Variants in SCHIP1 observed in about 807,000 individuals in gnomAD.
The protein encoded by SCHIP1 is schwannomin-interacting protein 1.
In SCHIP1, 8 loss-of-function variants were observed where a neutral mutation model predicts 29.7. The observed-to-expected ratio is 0.27, with a 90% CI of 0.16 to 0.49. SCHIP1 has a LOEUF of 0.49. SCHIP1 is among the 20% of genes least tolerant of loss of function. The pLI is 0.99. For synonymous variants in SCHIP1, 76 were observed against 94.9 expected (o/e 0.80, Z 1.16); for missense variants, 193 against 294.6 (o/e 0.66, Z 2.52).
At chr3:159,531,362 C>G in the SCHIP1 span, among the ~76,000 whole-genome samples, 11 of 152,246 alleles carry the variant, frequency 7.2e-5, no homozygotes, top group African/African-American at 2.7e-4. Context: ...CCTTGCAAGA[C>G]TCAAGTCTCA....
At chr3:159,758,597 C>G in the SCHIP1 span, among the ~76,000 whole-genome samples, 17 of 152,234 alleles carry the variant, frequency 1.1e-4, no homozygotes, top group Non-Finnish European at 2.2e-4. Flanking sequence ...TTAAAAAGAA[C>G]AGCAGGCTGC....
At chr3:159,301,030 CTAT>C in the SCHIP1 span, among the ~76,000 whole-genome samples, 1 of 152,100 alleles carries the variant, frequency 6.6e-6, no homozygotes, top group African/African-American at 2.4e-5. Flanking sequence ...ATGTAATGTA[CTAT>C]TATGTAGTAC....
chr3:159,454,393 T>C, the SCHIP1 span, among the ~76,000 whole-genome samples: 3 of 152,048 alleles, frequency 2.0e-5, no homozygotes, highest in Non-Finnish European at 1.5e-5. Flanking sequence ...GTGGCCAGAA[T>C]CTACAACAAA....
the SCHIP1 span, among the ~76,000 whole-genome samples, chr3:159,460,613 C>T: frequency 6.6e-6 from 1 of 152,070 alleles, no homozygotes; most frequent in Admixed American, 6.6e-5. Context: ...TGGAAATTTC[C>T]AGTTTTAGCC....
At chr3:159,877,863 A>G (rs564829421) in intron 2 of SCHIP1, among the ~76,000 whole-genome samples, 20 of 152,242 alleles carry the variant, frequency 1.3e-4, no homozygotes, top group Non-Finnish European at 2.4e-4. Flanking sequence ...AGTTAAATTT[A>G]TATCAATTAC....
At chr3:159,499,585 A>G in the SCHIP1 span, among the ~76,000 whole-genome samples, 2 of 152,256 alleles carry the variant, frequency 1.3e-5, no homozygotes, top group African/African-American at 2.4e-5. Context: ...CATAACTATT[A>G]TCAGCATCAC....
At chr3:159,484,047 A>G in the SCHIP1 span, among the ~76,000 whole-genome samples, 1 of 152,206 alleles carries the variant, frequency 6.6e-6, no homozygotes, top group Non-Finnish European at 1.5e-5. Context: ...AAACTAAGAG[A>G]GTTCCAAAGA....
chr3:159,849,494 A>G lies in SCHIP1; in HGVS notation c.30+9280A>G, dbSNP rs544270839. Among the ~76,000 whole-genome samples, 7 of 152,364 alleles carry G rather than the reference A, an allele frequency of 4.6e-5. No homozygotes were observed. The South Asian group carries it at 1.4e-3, about 32-fold the overall frequency. ...CAGATAAGAATGAAATTCATATTGT[A>G]GCTGAACCCCAAGTGCAGTGGACTG... is the stretch of plus-strand genomic sequence containing the variant. On this transcript the variant is annotated intron_variant, in intron 1 of 6. Transcript: ENST00000445224.
the SCHIP1 span, among the ~76,000 whole-genome samples, chr3:159,585,883 GA>G: frequency 6.6e-6 from 1 of 152,124 alleles, no homozygotes. Context: ...TGCTAGGCTG[GA>G]AAAAAATTTT....
At chr3:159,463,581 A>G in the SCHIP1 span, among the ~76,000 whole-genome samples, 27 of 152,116 alleles carry the variant, frequency 1.8e-4, no homozygotes, top group Non-Finnish European at 3.5e-4. Flanking sequence ...CCTCTTAGGC[A>G]TTATGTTACA....
At chr3:159,869,115 T>C (rs563549538) in intron 2 of SCHIP1, among the ~76,000 whole-genome samples, 67 of 152,194 alleles carry the variant, frequency 4.4e-4, no homozygotes, top group Admixed American at 8.5e-4. Flanking sequence ...CATCAACTTA[T>C]CGAAGTTCTT....
chr3:159,774,714 C>T, the SCHIP1 span, among the ~76,000 whole-genome samples: 71 of 152,284 alleles, frequency 4.7e-4, no homozygotes, highest in African/African-American at 1.6e-3. Flanking sequence ...TACTTGTAAA[C>T]CCATTTTTTT....
chr3:159,764,508 C>T, the SCHIP1 span: 2 of 1,586,864 alleles, frequency 1.3e-6, no homozygotes, highest in Non-Finnish European at 1.7e-6. This position sits in a 1 kb window ranked among gnomAD's most constrained non-coding sequence, Gnocchi z 6.1. Flanking sequence ...GCAGCCGCGC[C>T]AGTTCACAGT....
the SCHIP1 span, among the ~76,000 whole-genome samples, chr3:159,287,150 A>G: frequency 3.3e-5 from 5 of 152,084 alleles, no homozygotes; most frequent in African/African-American, 9.7e-5. Context: ...GCCAGGTCCT[A>G]TGTTCAGAAT....
the SCHIP1 span, among the ~76,000 whole-genome samples, chr3:159,588,770 G>A: frequency 3.3e-4 from 50 of 152,290 alleles, no homozygotes; most frequent in African/African-American, 1.2e-3. Context: ...AGATCATATA[G>A]TTGTAGATGT....
chr3:159,459,502 C>T, the SCHIP1 span, among the ~76,000 whole-genome samples: 1 of 151,892 alleles, frequency 6.6e-6, no homozygotes, highest in Admixed American at 6.6e-5. Flanking sequence ...CTACACATAA[C>T]TATAGTAGAT....
chr3:159,397,505 G>T, the SCHIP1 span, among the ~76,000 whole-genome samples: 6 of 152,094 alleles, frequency 3.9e-5, no homozygotes, highest in African/African-American at 1.4e-4. Flanking sequence ...TTTTCGTGTG[G>T]ATGTCCTTTC....
the SCHIP1 span, among the ~76,000 whole-genome samples, chr3:159,650,055 G>A: frequency 6.6e-6 from 1 of 152,164 alleles, no homozygotes; most frequent in Non-Finnish European, 1.5e-5. Context: ...CCTAGAGTCT[G>A]TAGCTTTATT....
At chr3:159,703,504 T>C in the SCHIP1 span, among the ~76,000 whole-genome samples, 310 of 151,954 alleles carry the variant, frequency 2.0e-3, no homozygotes, top group African/African-American at 7.0e-3. Context: ...AGAATTGAAC[T>C]AGAGGTCCCA....
Sources: gnomAD v4.1 joint callset for allele counts (sites outside exome capture counted in the v4.1 genomes callset) on GRCh38, gnomAD v4.1.1 for gene constraint, Gnocchi (gnomAD v3.1) non-coding constraint, MANE v1.5 for transcripts, NCBI Gene and HGNC (gene_info 2026-07-23, HGNC 2026-07-21) for gene names.